The following CNP variants were observed in gnomAD, a reference collection of about 807,000 sequenced individuals.
CNP encodes 2',3'-cyclic nucleotide 3' phosphodiesterase, also known as 2',3'-cyclic-nucleotide 3'-phosphodiesterase.
In CNP, 8 loss-of-function variants were observed where a neutral mutation model predicts 37.9. The ratio of observed to expected loss-of-function variants is 0.21; its 90% CI spans 0.12 to 0.38. The LOEUF is 0.38. Among genes scored for constraint, CNP ranks in the 10% least tolerant of loss-of-function variants. The pLI, the probability that CNP is intolerant of heterozygous loss-of-function variation, is 1.00. For missense variants in CNP, 457 were observed against 551.0 expected, an observed-to-expected ratio of 0.83 and a Z score of 1.71; for synonymous variants, 237 against 238.3, an observed-to-expected ratio of 0.99 and a Z score of 0.05.
rs1555644151 is a variant in CNP, at chr17:41,973,494, C to G, written c.836C>G (p.Ser279Cys). 2 of 1,614,074 alleles carry G rather than the reference C, an allele frequency of 1.2e-6. No homozygotes were observed. Among genetic ancestry groups the G allele is most frequent in the South Asian group, 1.1e-5 (1 of 91,054 alleles). ...AQQDVLKKSY[S>C]KAFTLTISAL... is the part of the protein sequence containing the mutation. ...CCCCAGGTGTTAAAGAAATCTTACT[C>G]CAAGGCCTTCACGCTGACCATCTCT... The change falls in exon 4 of 4, where the codon TCC (serine) becomes TGC (cysteine). Residue 279 changes from serine to cysteine, a missense_variant. Physicochemically the swap from Ser to Cys is moderately radical, Grantham distance 112 (BLOSUM62 -1). Around this residue, in one of 2 missense-constraint regions of CNP, gnomAD observed 291 missense variants for 291.7 expected, o/e 1.00. Coordinates refer to ENST00000393892, the MANE Select transcript of CNP (RefSeq NM_033133.5).
In CNP at chr17:41,976,583, C is replaced by A; in HGVS notation, c.*2659C>A. ...CGGCATTGGTTCCCTTTGCTCCACC[C>A]CACTCACAGAGACACAGGGCATCCA... On this transcript the variant is annotated 3_prime_UTR_variant, in exon 4 of 4. Transcript: ENST00000393892. The A allele has an allele frequency of 1.0e-6, 1 of 992,382 alleles. No homozygotes were observed. Among genetic ancestry groups the A allele is most frequent in the Non-Finnish European group, 1.5e-6 (1 of 688,172 alleles). 61.5% of individuals were successfully genotyped at this position (992,382 alleles called of 1,614,324 possible). A position where few individuals can be genotyped will look rare whatever the true frequency, so the allele number is the denominator to read the frequency against.
intron 2 of CNP, 104 bp from the exon 3 acceptor site, chr17:41,971,788 T>C: frequency 6.8e-7 from 1 of 1,465,922 alleles, no homozygotes; most frequent in Non-Finnish European, 9.4e-7. Context: ...GGAGAGGTGA[T>C]GCTTAGTGTC....
chr17:41,971,694 GGC>G (rs2050992682), intron 2 of CNP, 196 bp from the exon 3 acceptor site: 2 of 594,322 alleles, frequency 3.4e-6, no homozygotes. Flanking sequence ...CACCGCACCT[GGC>G]CTGAGAATTT....
rs909780725 is a variant in CNP, at chr17:41,968,103, G to C, written c.39G>C (p.Leu13=). 4.3e-6 allele frequency: 7 copies of C among 1,614,156 alleles called. No individual in the cohort carries two copies. In the Admixed American group the frequency reaches 6.7e-5, roughly 15 times the overall value. Residue 13 remains leucine (L), a synonymous_variant, in exon 2 of 4, where the codon CTG becomes CTC. Transcript: ENST00000393892. The surrounding 1 kb of genome is among the most constrained non-coding windows in gnomAD (Gnocchi z 4.8). ...TCTCCCGAAAAAGCCACACATTCCT[G>C]CCCAAGATCTTCTTCCGCAAGATGT... ...RGFSRKSHTF[L]PKIFFRKMSS... is the part of the protein sequence containing the mutation.
At chr17:41,967,839 T>G (rs1336084035) in intron 1 of CNP, 86 of 1,381,486 alleles carry the variant, frequency 6.2e-5, no homozygotes, top group Non-Finnish European at 7.9e-5. Context: ...CGTTTACCTT[T>G]CCGAAGTGGC....
Position 41,976,590 on chromosome 17 carries a change from C to A in CNP, c.*2666C>A. 9.2e-7 allele frequency: 1 copy of A among 1,081,574 alleles called. No individual in the cohort carries two copies. The highest frequency in any genetic ancestry group is 1.6e-5 in the South Asian group (1 of 63,350). The allele number at this position is 1,081,574 out of a possible 1,614,324, so 67.0% of individuals were successfully genotyped here. A position where few individuals can be genotyped will look rare whatever the true frequency, so the allele number is the denominator to read the frequency against. ...GGTTCCCTTTGCTCCACCCCACTCACAGAGACACAGGGCATCCAACTGAGA... is the reference window on the plus strand; with the variant it reads ...GGTTCCCTTTGCTCCACCCCACTCAAAGAGACACAGGGCATCCAACTGAGA... On this transcript the variant is annotated 3_prime_UTR_variant, in exon 4 of 4. Coordinates refer to ENST00000393892, the MANE Select transcript of CNP (RefSeq NM_033133.5).
chr17:41,967,019 C>G (rs1189967855), intron 1 of CNP, 132 bp downstream of exon 1: 3 of 1,078,382 alleles, frequency 2.8e-6, no homozygotes, highest in Non-Finnish European at 2.4e-6. Context: ...TCTTGGTACT[C>G]AGGGCGGCCC....
Position 41,974,110 on chromosome 17 carries a change from C to T in CNP, c.*186C>T, listed in dbSNP as rs782455962. ...CTGTCCGCCCTCTTCCCCTCTAATGCTCACGCTCCCAACACAAGGTGGGCA... is the reference window on the plus strand; with the variant it reads ...CTGTCCGCCCTCTTCCCCTCTAATGTTCACGCTCCCAACACAAGGTGGGCA... On this transcript the variant is annotated 3_prime_UTR_variant, in exon 4 of 4. Transcript: ENST00000393892. 2 of 494,900 alleles carry T rather than the reference C, an allele frequency of 4.0e-6. No individual in the cohort carries two copies. Among genetic ancestry groups the T allele is most frequent in the Non-Finnish European group, 6.6e-6 (2 of 301,332 alleles). The allele number at this position is 494,900 out of a possible 1,614,324, so 30.7% of individuals were successfully genotyped here.
chr17:41,968,643 C>G lies in CNP; in HGVS notation c.579C>G (p.Phe193Leu). Residue 193 changes from phenylalanine to leucine, a missense_variant, in exon 2 of 4, where the codon TTC (phenylalanine) becomes TTG (leucine). Phe to Leu is a conservative substitution (Grantham distance 22). Transcript: ENST00000393892. This position sits in a 1 kb window ranked among gnomAD's most constrained non-coding sequence, Gnocchi z 4.8. ...KDFLPLYFGWFLTKKSSETLR... is the reference protein window; with the variant it reads ...KDFLPLYFGWLLTKKSSETLR... ...TCCTGCCGCTCTACTTCGGCTGGTT[C>G]CTGACCAAGAAGAGCTCTGAGACCC... 1.2e-6 allele frequency: 2 copies of G among 1,614,128 alleles called. No individual in the cohort carries two copies. The highest frequency in any genetic ancestry group is 1.7e-6 in the Non-Finnish European group (2 of 1,180,016).
intron 3 of CNP, among the ~76,000 whole-genome samples, chr17:41,972,558 CCAGG>C (rs1555643986): frequency 2.0e-5 from 3 of 152,170 alleles, no homozygotes; most frequent in Non-Finnish European, 4.4e-5. Flanking sequence ...TCCCTGAATG[CCAGG>C]CATGTCACCC....
chr17:41,971,854 G>T (rs782186076), intron 2 of CNP, 38 bp from the exon 3 acceptor site: 1 of 1,611,536 alleles, frequency 6.2e-7, no homozygotes, highest in South Asian at 1.1e-5. Flanking sequence ...GTATGCCCCT[G>T]CTCCCCTGCC....
chr17:41,974,184 A>AGCCAGGGATGGG lies in CNP; in HGVS notation c.*265_*276dup, dbSNP rs2051038453. Reference sequence around the variant, plus strand: ...GACCAAAGCTGACGAGGCTGGGCCAAGCCAGGGATGGGGCCACAGCCAGAA... The same window carrying AGCCAGGGATGGG: ...GACCAAAGCTGACGAGGCTGGGCCAAGCCAGGGATGGGGCCAGGGATGGGGCCACAGCCAGAA... On this transcript the variant is annotated 3_prime_UTR_variant, in exon 4 of 4. Coordinates refer to ENST00000393892, the MANE Select transcript of CNP (RefSeq NM_033133.5). 1 of 298,954 alleles carries AGCCAGGGATGGG rather than the reference A, an allele frequency of 3.3e-6. No individual in the cohort carries two copies. 18.5% of individuals were successfully genotyped at this position (298,954 alleles called of 1,614,324 possible). A position where few individuals can be genotyped will look rare whatever the true frequency, so the allele number is the denominator to read the frequency against.
In CNP at chr17:41,976,317, C is replaced by A. The variant is rs1406971896; in HGVS notation, c.*2393C>A. ...GGTCTGGGAGAGGCAGAGTGCCCCA[C>A]CTGCCACTAGGCTGGGTGCCCACAG... On this transcript the variant is annotated 3_prime_UTR_variant, in exon 4 of 4. Transcript: ENST00000393892. 4.6e-6 allele frequency: 1 copy of A among 216,642 alleles called. No individual in the cohort carries two copies. The highest frequency in any genetic ancestry group is 9.1e-6 in the Non-Finnish European group (1 of 110,476). The allele number at this position is 216,642 out of a possible 1,614,324, so 13.4% of individuals were successfully genotyped here.
rs1424953656 is a variant in CNP, at chr17:41,973,877, C to G, written c.1219C>G (p.Gln407Glu). ...CGGGAAAGGCAAACCTGTGCCCACG[C>G]AAGGTAGCCGGAAGGGGGGCGCCTT... ...YYGKGKPVPT[Q>E]GSRKGGALQS... Residue 407 changes from glutamine to glutamate, a missense_variant, in exon 4 of 4, where the codon CAA becomes GAA. Physicochemically the swap from Gln to Glu is conservative, Grantham distance 29 (BLOSUM62 2). Transcript: ENST00000393892. 6.4e-7 allele frequency: 1 copy of G among 1,573,468 alleles called. No individual in the cohort carries two copies. The highest frequency in any genetic ancestry group is 1.8e-5 in the Admixed American group (1 of 56,382).
chr17:41,970,281 A>G (rs567223425), intron 2 of CNP: 2 of 149,700 alleles, frequency 1.3e-5, no homozygotes, highest in Admixed American at 6.7e-5. Context: ...TTATTTTTGT[A>G]TTTTTAGTAG....
At chr17:41,970,740 A>C (rs1259203502) in intron 2 of CNP, 1 of 152,200 alleles carries the variant, frequency 6.6e-6, no homozygotes, top group African/African-American at 2.4e-5. Context: ...GGAGAAATGT[A>C]ATGGGCCAGC....
intron 2 of CNP, 81 bp from the exon 3 acceptor site, chr17:41,971,811 G>A (rs12602950): frequency 0.73 from 1,148,779 of 1,575,004 alleles, 423,929 homozygotes; most frequent in Admixed American, 0.85. Context: ...AGTGTTTTGC[G>A]CTGGGCCTCG....
At chr17:41,971,091 G>A (rs2050980910) in intron 2 of CNP, 1 of 152,226 alleles carries the variant, frequency 6.6e-6, no homozygotes, top group South Asian at 2.1e-4. Flanking sequence ...GGAACACTGG[G>A]GTATATGGTC....
rs2051035044 is a variant in CNP, at chr17:41,973,983, G to A, written c.*59G>A. The A allele has an allele frequency of 9.5e-6, 10 of 1,055,508 alleles. No individual in the cohort carries two copies. The highest frequency in any genetic ancestry group is 3.1e-4 in the Middle Eastern group (1 of 3,272). The allele number at this position is 1,055,508 out of a possible 1,614,324, so 65.4% of individuals were successfully genotyped here. ...AAGGGGAGAGGGAAACGTGCCCTCT[G>A]TTTGATCCTTGTTTTGTGACATTTT... On this transcript the variant is annotated 3_prime_UTR_variant, in exon 4 of 4. Coordinates refer to ENST00000393892, the MANE Select transcript of CNP (RefSeq NM_033133.5).
Sources: gnomAD v4.1 joint callset for allele counts (sites outside exome capture counted in the v4.1 genomes callset) on GRCh38, gnomAD v4.1.1 for gene constraint, gnomAD v4.1.1 regional missense constraint, Gnocchi (gnomAD v3.1) non-coding constraint, MANE v1.5 for transcripts, NCBI Gene and HGNC (gene_info 2026-07-23, HGNC 2026-07-21) for gene names.